DRAXIN: variants seen among roughly 807,000 people sequenced by gnomAD.
DRAXIN encodes dorsal inhibitory axon guidance protein.
DRAXIN carries 27 observed loss-of-function variants against 33.9 expected under a neutral mutation model. The ratio of observed to expected loss-of-function variants is 0.80; its 90% CI spans 0.59 to 1.10. The LOEUF is 1.10. DRAXIN is among the 50% of genes least tolerant of loss of function. The pLI, the probability that DRAXIN is intolerant of heterozygous loss-of-function variation, is 0.00. For missense variants in DRAXIN, 371 were observed against 460.8 expected (o/e 0.81, Z 1.78); for synonymous variants, 178 against 194.0 (o/e 0.92, Z 0.69).
At chr1:11,708,028 G>A (rs541361192) in intron 2 of DRAXIN, among the ~76,000 whole-genome samples, 26 of 152,368 alleles carry the variant, frequency 1.7e-4, no homozygotes, top group African/African-American at 6.3e-4. Flanking sequence ...TGGCTTCCCT[G>A]TGAGGCCTGA....
rs41275448 is a variant in DRAXIN, at chr1:11,721,805, C to A, written c.*2109C>A. The A allele has an allele frequency of 6.6e-6, 1 of 151,990 alleles. No homozygotes were observed. Among genetic ancestry groups the A allele is most frequent in the Non-Finnish European group, 1.5e-5 (1 of 68,006 alleles). 9.4% of individuals were successfully genotyped at this position (151,990 alleles called of 1,614,324 possible). A position where few individuals can be genotyped will look rare whatever the true frequency, so the allele number is the denominator to read the frequency against. ...TTTGAGACCAGCCTGGCCAACATGG[C>A]AAAACCCGGTCTCTACCAAATATAC... On this transcript the variant is annotated 3_prime_UTR_variant, in exon 7 of 7. Coordinates refer to ENST00000294485, the MANE Select transcript of DRAXIN (RefSeq NM_198545.4).
Position 11,712,345 on chromosome 1 carries a change from C to T in DRAXIN, c.763C>T (p.His255Tyr), listed in dbSNP as rs749598925. Residue 255 changes from histidine (H) to tyrosine (Y), a missense_variant, in exon 5 of 7, where the codon CAC (histidine) becomes TAC (tyrosine). Coordinates refer to ENST00000294485, the MANE Select transcript of DRAXIN (RefSeq NM_198545.4). ...ACAGATCTTCTTATCCCCAGAGAAA[C>T]ACCGCGGTAAACTCTCCAGTGATGG... ...GWPSAKKKEK[H>Y]RGKLSSDGNE... 6.2e-7 allele frequency: 1 copy of T among 1,614,094 alleles called. No individual in the cohort carries two copies. The highest frequency in any genetic ancestry group is 2.2e-5 in the East Asian group (1 of 44,886).
chr1:11,689,744 C>G (rs1009811849), upstream of DRAXIN, among the ~76,000 whole-genome samples: 30 of 152,194 alleles, frequency 2.0e-4, no homozygotes, highest in Admixed American at 1.9e-3. Flanking sequence ...TATTCCTCTA[C>G]TGTCTTAATA....
upstream of DRAXIN, among the ~76,000 whole-genome samples, chr1:11,690,750 G>A (rs1251954590): frequency 1.3e-5 from 2 of 152,156 alleles, no homozygotes; most frequent in Non-Finnish European, 2.9e-5. The surrounding 1 kb of genome is among the most constrained non-coding windows in gnomAD (Gnocchi z 4.2). Flanking sequence ...CCCGTCGTGA[G>A]TTATGGGAGG....
At chr1:11,714,386 C>A (rs1570319011) in intron 5 of DRAXIN, among the ~76,000 whole-genome samples, 1 of 152,200 alleles carries the variant, frequency 6.6e-6, no homozygotes, top group African/African-American at 2.4e-5. Flanking sequence ...AATGGCTGGG[C>A]CCCAGAACCC....
At chr1:11,701,649 G>A (rs1211512432) in intron 1 of DRAXIN, among the ~76,000 whole-genome samples, 4 of 152,310 alleles carry the variant, frequency 2.6e-5, no homozygotes, top group African/African-American at 9.6e-5. Flanking sequence ...CCGGGCTGCT[G>A]ACTGTGCTCG....
chr1:11,714,020 C>A (rs1641536816), intron 5 of DRAXIN, among the ~76,000 whole-genome samples: 1 of 151,876 alleles, frequency 6.6e-6, no homozygotes, highest in South Asian at 2.1e-4. Flanking sequence ...GAGACTCTGT[C>A]TCAAAATTAA....
At chr1:11,717,357 A>AAGGGTAGACAGAAGTGGGCATTG (rs1641591990) in intron 6 of DRAXIN, among the ~76,000 whole-genome samples, 1 of 151,570 alleles carries the variant, frequency 6.6e-6, no homozygotes, top group Non-Finnish European at 1.5e-5. Flanking sequence ...TTGTTTTAGA[A>AAGGGTAGACAGAAGTGGGCATTG]AGGGTAGACA....
In DRAXIN at chr1:11,719,767, T is replaced by G; in HGVS notation, c.*71T>G. On this transcript the variant is annotated 3_prime_UTR_variant, in exon 7 of 7. Coordinates refer to ENST00000294485, the MANE Select transcript of DRAXIN (RefSeq NM_198545.4). ...CGGGCGATTTGTTTGTAACTAGCAG[T>G]GGGAGATCAAGTTGGGGAACAGATG... The G allele has an allele frequency of 1.5e-6, 2 of 1,341,874 alleles. No individual in the cohort carries two copies. Among genetic ancestry groups the G allele is most frequent in the Non-Finnish European group, 2.1e-6 (2 of 949,846 alleles). The allele number at this position is 1,341,874 out of a possible 1,614,324, so 83.1% of individuals were successfully genotyped here.
upstream of DRAXIN, among the ~76,000 whole-genome samples, chr1:11,687,195 A>C (rs1023383641): frequency 5.3e-5 from 8 of 152,112 alleles, no homozygotes; most frequent in African/African-American, 1.9e-4. This position sits in a 1 kb window ranked among gnomAD's most constrained non-coding sequence, Gnocchi z 4.1. Context: ...CCTCCCCAAT[A>C]GCTGGGGCTA....
chr1:11,718,123 G>A (rs1173542929), intron 6 of DRAXIN, among the ~76,000 whole-genome samples: 4 of 143,172 alleles, frequency 2.8e-5, no homozygotes, highest in Admixed American at 7.2e-5. Context: ...GGCCAACATG[G>A]TGAAACCCCA....
chr1:11,708,990 G>A (rs1641433135), intron 2 of DRAXIN, among the ~76,000 whole-genome samples: 1 of 152,206 alleles, frequency 6.6e-6, no homozygotes, highest in Admixed American at 6.5e-5. Flanking sequence ...ATATCTGGCT[G>A]CGCCCAGCCA....
intron 1 of DRAXIN, 99 bp downstream of exon 1, chr1:11,691,952 G>C (rs935130197): frequency 1.3e-5 from 2 of 151,986 alleles, no homozygotes; most frequent in African/African-American, 4.8e-5. Flanking sequence ...CCAGGGGCGG[G>C]GTGCGCGGGG....
rs1641095858 is a variant in DRAXIN, at chr1:11,692,594, G to C, written c.-11+741G>C. ...AAGGGTCTCAGCCGCCTTCGGGGCC[G>C]GGGTATGAGATGAGAGAGGGCTGGG... On this transcript the variant is annotated intron_variant, in intron 1 of 6. Coordinates refer to ENST00000294485, the MANE Select transcript of DRAXIN (RefSeq NM_198545.4). This position sits in a 1 kb window ranked among gnomAD's most constrained non-coding sequence, Gnocchi z 5.8. Among the ~76,000 whole-genome samples, 1 of 152,224 alleles carries C rather than the reference G, an allele frequency of 6.6e-6. No homozygotes were observed. Among genetic ancestry groups the C allele is most frequent in the South Asian group, 2.1e-4 (1 of 4,832 alleles).
At position 11,711,832 on chromosome 1, in the gene DRAXIN, C is replaced by G. The variant is rs761416874; in HGVS notation, c.643-19C>G. ...ATGGATTTGAAGGTTCCAACATCCCCCTTCTCCACGGTCTCCAGCAGGCAC... is the reference window on the plus strand; with the variant it reads ...ATGGATTTGAAGGTTCCAACATCCCGCTTCTCCACGGTCTCCAGCAGGCAC... On this transcript the variant is annotated intron_variant, in intron 3 of 6. Transcript: ENST00000294485. 1.2e-6 allele frequency: 2 copies of G among 1,601,496 alleles called. No individual in the cohort carries two copies. The highest frequency in any genetic ancestry group is 4.5e-5 in the East Asian group (2 of 44,554).
At chr1:11,690,002 T>C (rs535527229), upstream of DRAXIN, among the ~76,000 whole-genome samples, 1 of 152,050 alleles carries the variant, frequency 6.6e-6, no homozygotes, top group East Asian at 1.9e-4. The surrounding 1 kb of genome is among the most constrained non-coding windows in gnomAD (Gnocchi z 4.2). Context: ...CGTGGCTCAT[T>C]ACCTCCTTTT....
intron 5 of DRAXIN, among the ~76,000 whole-genome samples, chr1:11,713,728 A>G (rs1570318544): frequency 6.6e-6 from 1 of 152,162 alleles, no homozygotes; most frequent in Non-Finnish European, 1.5e-5. Context: ...ATCTCCAAAA[A>G]TAGTAATAAT....
In DRAXIN at chr1:11,692,619, G is replaced by A. The variant is rs551300140; in HGVS notation, c.-11+766G>A. 2.0e-5 allele frequency among the ~76,000 whole-genome samples: 3 copies of A among 152,292 alleles called. No individual in the cohort carries two copies. The highest frequency in any genetic ancestry group is 2.1e-4 in the South Asian group (1 of 4,824). On this transcript the variant is annotated intron_variant, in intron 1 of 6. Coordinates refer to ENST00000294485, the MANE Select transcript of DRAXIN (RefSeq NM_198545.4). The surrounding 1 kb of genome is among the most constrained non-coding windows in gnomAD (Gnocchi z 5.8). ...GGGGTATGAGATGAGAGAGGGCTGGGGTTTCCCGCCAAGTCTTTCTTGCTT... is the reference window on the plus strand; with the variant it reads ...GGGGTATGAGATGAGAGAGGGCTGGAGTTTCCCGCCAAGTCTTTCTTGCTT...
At chr1:11,709,557 C>G in intron 3 of DRAXIN, 92 bp downstream of exon 3, 12 of 1,394,816 alleles carry the variant, frequency 8.6e-6, no homozygotes, top group Non-Finnish European at 1.1e-5. Flanking sequence ...GACTGAGGCA[C>G]GGGGGCAGGA....
Sources: gnomAD v4.1 joint callset for allele counts (sites outside exome capture counted in the v4.1 genomes callset) on GRCh38, gnomAD v4.1.1 for gene constraint, Gnocchi (gnomAD v3.1) non-coding constraint, MANE v1.5 for transcripts, NCBI Gene and HGNC (gene_info 2026-07-23, HGNC 2026-07-21) for gene names.